Variants in DNMT3B observed in about 807,000 individuals in gnomAD.
DNMT3B encodes the protein DNA (cytosine-5)-methyltransferase 3B.
In DNMT3B, 37 loss-of-function variants were observed where a neutral mutation model predicts 120.2. The observed-to-expected ratio is 0.31, with a 90% CI of 0.24 to 0.40. The LOEUF is 0.40. Ranked by LOEUF, DNMT3B falls within the 10% of genes least tolerant of loss-of-function variation. The pLI, the probability that DNMT3B is intolerant of heterozygous loss-of-function variation, is 1.00. For missense variants in DNMT3B, 878 were observed against 1,137.3 expected (o/e 0.77, Z 3.28); for synonymous variants, 412 against 442.8 (o/e 0.93, Z 0.87).
chr20:32,801,532 T>C, intron 19 of DNMT3B, 106 bp downstream of exon 19: 1 of 1,476,442 alleles, frequency 6.8e-7, no homozygotes, highest in Non-Finnish European at 9.4e-7. Flanking sequence ...GACTTTCCCG[T>C]TCTTGGTCTG....
intron 16 of DNMT3B, 82 bp downstream of exon 16, chr20:32,799,410 C>A: frequency 6.7e-7 from 1 of 1,492,514 alleles, no homozygotes; most frequent in Non-Finnish European, 9.1e-7. Context: ...GTTAAGGTGT[C>A]TGACATCAGT....
chr20:32,775,521 G>A (rs1988023680), intron 1 of DNMT3B, among the ~76,000 whole-genome samples: 1 of 152,114 alleles, frequency 6.6e-6, no homozygotes, highest in African/African-American at 2.4e-5. Context: ...TGGTTCAGTC[G>A]GGGCACAGGC....
chr20:32,781,068 C>T lies in DNMT3B; in HGVS notation c.143-285C>T, dbSNP rs114629990. 1.5e-3 allele frequency among the ~76,000 whole-genome samples: 223 copies of T among 152,326 alleles called. 1 individual carries two copies. Among genetic ancestry groups the T allele is most frequent in the African/African-American group, 5.2e-3 (215 of 41,562 alleles). Reference sequence around the variant, plus strand: ...GTTCCTGGAAATGTAGTTAGTGGTCCCTGGATGGGCAGCACCCTGCTGGAA... The same window carrying T: ...GTTCCTGGAAATGTAGTTAGTGGTCTCTGGATGGGCAGCACCCTGCTGGAA... On this transcript the variant is annotated intron_variant, in intron 2 of 22. Transcript: ENST00000328111.
At chr20:32,798,408 A>G in intron 14 of DNMT3B, 52 bp from the exon 15 acceptor site, 2 of 1,610,954 alleles carry the variant, frequency 1.2e-6, no homozygotes, top group South Asian at 2.2e-5. Context: ...AGGGGGTGGC[A>G]CAGGAGACCA....
chr20:32,790,075 CAG>C (rs898120148), intron 7 of DNMT3B, among the ~76,000 whole-genome samples: 5 of 152,212 alleles, frequency 3.3e-5, no homozygotes, highest in Non-Finnish European at 5.9e-5. Flanking sequence ...TCAGCTCAAG[CAG>C]AGATTCTGTT....
At chr20:32,765,750 C>CTTTTTTTTTT (rs1208508674) in intron 1 of DNMT3B, among the ~76,000 whole-genome samples, 1 of 108,438 alleles carries the variant, frequency 9.2e-6, no homozygotes. Context: ...TTTATTTTTT[C>CTTTTTTTTTT]TTTTTTTCTT....
Position 32,796,805 on chromosome 20 carries a change from G to A in DNMT3B, c.1313G>A (p.Cys438Tyr). 1 of 1,614,192 alleles carries A rather than the reference G, an allele frequency of 6.2e-7. No individual in the cohort carries two copies. The change falls in exon 13 of 23, where the codon TGT (cysteine) becomes TAT (tyrosine). Residue 438 changes from cysteine to tyrosine, a missense_variant. Physicochemically the swap from Cys to Tyr is radical, Grantham distance 194 (BLOSUM62 -2). Around this residue, in one of 4 missense-constraint regions of DNMT3B, gnomAD observed 207 missense variants for 222.6 expected, o/e 0.93. Coordinates refer to ENST00000328111, the MANE Select transcript of DNMT3B (RefSeq NM_006892.4). ...KSSLEDGCLSCGRKNPVSFHP... is the reference protein window; with the variant it reads ...KSSLEDGCLSYGRKNPVSFHP... ...TTTCTTACAGATGGCTGTTTGTCTT[G>A]TGGCAGGAAAAACCCCGTGTCCTTC...
chr20:32,801,692 C>G (rs1035556407), intron 19 of DNMT3B, among the ~76,000 whole-genome samples: 1 of 152,188 alleles, frequency 6.6e-6, no homozygotes, highest in Non-Finnish European at 1.5e-5. Context: ...TCAGGCAATC[C>G]TCCTACCTCA....
At chr20:32,793,007 G>C (rs1399184475) in intron 9 of DNMT3B, among the ~76,000 whole-genome samples, 1 of 152,256 alleles carries the variant, frequency 6.6e-6, no homozygotes, top group Non-Finnish European at 1.5e-5. Flanking sequence ...TCTGACATCT[G>C]TCTTGAAGTC....
chr20:32,790,273 A>G (rs1161434586), intron 7 of DNMT3B, among the ~76,000 whole-genome samples: 4 of 152,364 alleles, frequency 2.6e-5, no homozygotes, highest in East Asian at 1.9e-4. Flanking sequence ...AGCTGCTTCC[A>G]GGGATGGGAG....
At chr20:32,780,002 T>G in intron 1 of DNMT3B, 7 of 1,391,288 alleles carry the variant, frequency 5.0e-6, no homozygotes, top group Non-Finnish European at 6.0e-6. Flanking sequence ...CTAAATGGCA[T>G]TGTTTGAAGG....
At chr20:32,804,918 T>G (rs1002029050) in intron 20 of DNMT3B, among the ~76,000 whole-genome samples, 2 of 152,046 alleles carry the variant, frequency 1.3e-5, no homozygotes, top group African/African-American at 4.8e-5. Flanking sequence ...AAACCGTGGG[T>G]GTGATATGAT....
At chr20:32,788,761 CT>C (rs1979626216) in intron 6 of DNMT3B, 92 bp from the exon 7 acceptor site, 4 of 1,532,874 alleles carry the variant, frequency 2.6e-6, no homozygotes, top group Non-Finnish European at 9.0e-7. Context: ...TTATGGCAAG[CT>C]TTTTGTTGCC....
chr20:32,794,410 A>G (rs1980372187), intron 10 of DNMT3B, among the ~76,000 whole-genome samples: 1 of 151,242 alleles, frequency 6.6e-6, no homozygotes, highest in Admixed American at 6.6e-5. Flanking sequence ...GGCCAGGTGC[A>G]GTGGCTCATG....
intron 3 of DNMT3B, among the ~76,000 whole-genome samples, chr20:32,781,727 A>G (rs1211640055): frequency 1.3e-5 from 2 of 152,256 alleles, no homozygotes; most frequent in African/African-American, 4.8e-5. Context: ...AACAATTTAT[A>G]CATTTTAAAT....
intron 4 of DNMT3B, 65 bp from the exon 5 acceptor site, chr20:32,786,437 T>TG: frequency 6.2e-7 from 1 of 1,611,228 alleles, no homozygotes; most frequent in Non-Finnish European, 8.5e-7. Context: ...CTAATCCTTC[T>TG]GGCCCCGCCA....
intron 1 of DNMT3B, among the ~76,000 whole-genome samples, chr20:32,778,952 ATGGATGG>A (rs998433672): frequency 2.0e-5 from 3 of 151,626 alleles, no homozygotes; most frequent in African/African-American, 7.3e-5. Context: ...AGATGGATGG[ATGGATGG>A]ATGGATGGAT....
chr20:32,799,698 C>T (rs542669110), intron 16 of DNMT3B, among the ~76,000 whole-genome samples: 30 of 152,098 alleles, frequency 2.0e-4, no homozygotes, highest in Admixed American at 1.6e-3. Flanking sequence ...TTATATTTTT[C>T]GTAGAGACGG....
Position 32,793,672 on chromosome 20 carries a change from A to C in DNMT3B, c.1126+77A>C, listed in dbSNP as rs542607698. 2.9e-5 allele frequency: 45 copies of C among 1,526,196 alleles called. No homozygotes were observed. In the African/African-American group the frequency reaches 6.0e-4, roughly 20 times the overall value. The allele number at this position is 1,526,196 out of a possible 1,614,324, so 94.5% of individuals were successfully genotyped here. A position where few individuals can be genotyped will look rare whatever the true frequency, so the allele number is the denominator to read the frequency against. ...TGATTTCTTTGCATATAAAATGGTC[A>C]CTGGAAAAGAATCAAATTTCTTGAA... is the stretch of plus-strand genomic sequence containing the variant. On this transcript the variant is annotated intron_variant, in intron 10 of 22. Transcript: ENST00000328111.
Sources: allele counts gnomAD v4.1 joint callset (sites outside exome capture counted in the v4.1 genomes callset), GRCh38; gene constraint gnomAD v4.1.1; regional missense constraint gnomAD v4.1.1; transcripts MANE v1.5; gene names NCBI Gene and HGNC (gene_info 2026-07-23, HGNC 2026-07-21).